The following TGFB1I1 variants were observed in gnomAD, a reference collection of about 807,000 sequenced individuals.
TGFB1I1 encodes the protein transforming growth factor beta 1 induced transcript 1.
In TGFB1I1, 33 loss-of-function variants were observed where a neutral mutation model predicts 52.0. That is an observed-to-expected ratio of 0.63 (90% CI 0.48 to 0.85). TGFB1I1 has a LOEUF of 0.85. Ranked by LOEUF, TGFB1I1 falls within the 40% of genes least tolerant of loss-of-function variation. The pLI, the probability that TGFB1I1 is intolerant of heterozygous loss-of-function variation, is 0.00. For missense variants in TGFB1I1, 577 were observed against 614.9 expected, an observed-to-expected ratio of 0.94 and a Z score of 0.65; for synonymous variants, 236 against 253.3, an observed-to-expected ratio of 0.93 and a Z score of 0.65.
Position 31,477,687 on chromosome 16 carries a change from G to C in TGFB1I1, c.*111G>C, listed in dbSNP as rs2082436222. The C allele has an allele frequency of 6.5e-6, 9 of 1,383,206 alleles. No individual in the cohort carries two copies. The East Asian group carries it at 2.3e-4, about 35-fold the overall frequency. The allele number at this position is 1,383,206 out of a possible 1,614,324, so 85.7% of individuals were successfully genotyped here. A position where few individuals can be genotyped will look rare whatever the true frequency, so the allele number is the denominator to read the frequency against. On this transcript the variant is annotated 3_prime_UTR_variant, in exon 11 of 11. Transcript: ENST00000394863. This position sits in a 1 kb window ranked among gnomAD's most constrained non-coding sequence, Gnocchi z 4.7. The stretch of plus-strand genomic sequence containing the variant: ...AGCGGGAGGCCCCACCCACTGGAGA[G>C]CCCCGCCCCTAAGGTACTATGAGTC...
chr16:31,472,251 G>A (rs764323531), intron 1 of TGFB1I1, 50 bp downstream of exon 1: 1 of 1,439,884 alleles, frequency 6.9e-7, no homozygotes, highest in Non-Finnish European at 9.1e-7. Flanking sequence ...GCTGCCCAGA[G>A]CTGCCTCCCC....
In TGFB1I1 at chr16:31,476,346, C is replaced by A; in HGVS notation, c.889-135C>A. 1.7e-6 allele frequency: 2 copies of A among 1,206,804 alleles called. No individual in the cohort carries two copies. The highest frequency in any genetic ancestry group is 2.3e-6 in the Non-Finnish European group (2 of 874,912). 74.8% of individuals were successfully genotyped at this position (1,206,804 alleles called of 1,614,324 possible). ...GCCCCTTGGACTCCACTCTTCCTTT[C>A]TGACCCCCACGTTCCTAGTTAGATC... On this transcript the variant is annotated intron_variant, in intron 8 of 10. Transcript: ENST00000394863. The surrounding 1 kb of genome is among the most constrained non-coding windows in gnomAD (Gnocchi z 7.6).
Position 31,477,512 on chromosome 16 carries a change from G to C in TGFB1I1, c.1322G>C (p.Gly441Ala). 1 of 1,609,856 alleles carries C rather than the reference G, an allele frequency of 6.2e-7. No homozygotes were observed. The highest frequency in any genetic ancestry group is 1.1e-5 in the South Asian group (1 of 90,526). The change falls in exon 11 of 11, where the codon GGG becomes GCG. Residue 441 changes from glycine to alanine, a missense_variant. This residue lies in a region of TGFB1I1 where 456 missense variants were observed against 461.6 expected (regional missense o/e 0.99). Transcript: ENST00000394863. This position sits in a 1 kb window ranked among gnomAD's most constrained non-coding sequence, Gnocchi z 4.7. ...TTCTGCCTGCGCCCGCTCACCAAGG[G>C]GTCCTTCCAGGAGCGCGCCGGCAAG... Reference protein sequence around the residue: ...CTFCLRPLTKGSFQERAGKPY... With the variant: ...CTFCLRPLTKASFQERAGKPY...
rs760464161 is a variant in TGFB1I1 at position 31,476,449 on chromosome 16, G to A, written c.889-32G>A. ...GGAGAGGAAGGCGCGAAGGCACGGAGGCCGCGCTGAGTGCCCTCTCCCTCC... is the reference window on the plus strand; with the variant it reads ...GGAGAGGAAGGCGCGAAGGCACGGAAGCCGCGCTGAGTGCCCTCTCCCTCC... On this transcript the variant is annotated intron_variant, in intron 8 of 10. Coordinates refer to ENST00000394863, the MANE Select transcript of TGFB1I1 (RefSeq NM_001042454.3). The surrounding 1 kb of genome is among the most constrained non-coding windows in gnomAD (Gnocchi z 7.6). The A allele has an allele frequency of 3.1e-6, 5 of 1,598,606 alleles. No individual in the cohort carries two copies. The highest frequency in any genetic ancestry group is 1.7e-5 in the Admixed American group (1 of 57,568).
rs2082437939 is a variant in TGFB1I1 at position 31,477,887 on chromosome 16, A to G, written c.*311A>G. On this transcript the variant is annotated 3_prime_UTR_variant, in exon 11 of 11. Coordinates refer to ENST00000394863, the MANE Select transcript of TGFB1I1 (RefSeq NM_001042454.3). This position sits in a 1 kb window ranked among gnomAD's most constrained non-coding sequence, Gnocchi z 4.7. Reference sequence around the variant, plus strand: ...CCAGCGAATCGGAGGCCAGGCCAGGACGTCCTTGCTCCCTGCACCCTCACT... The same window carrying G: ...CCAGCGAATCGGAGGCCAGGCCAGGGCGTCCTTGCTCCCTGCACCCTCACT... The G allele has an allele frequency of 6.6e-6, 3 of 456,258 alleles. No individual in the cohort carries two copies. The highest frequency in any genetic ancestry group is 1.2e-5 in the Non-Finnish European group (3 of 256,250). 28.3% of individuals were successfully genotyped at this position (456,258 alleles called of 1,614,324 possible).
chr16:31,472,547 T>C (rs1355758289), intron 1 of TGFB1I1: 1 of 266,742 alleles, frequency 3.7e-6, no homozygotes. Flanking sequence ...CACGGGAAAG[T>C]CTGGCATCAA....
chr16:31,477,123 G>A lies in TGFB1I1; in HGVS notation c.1119+113G>A, dbSNP rs1420103930. ...AGGGCAGGGGGCGGGCCCTCGGGGG[G>A]GCGGGTCACGGGAGGTGCTGCTAGG... is the stretch of plus-strand genomic sequence containing the variant. On this transcript the variant is annotated intron_variant, in intron 10 of 10. Coordinates refer to ENST00000394863, the MANE Select transcript of TGFB1I1 (RefSeq NM_001042454.3). This position sits in a 1 kb window ranked among gnomAD's most constrained non-coding sequence, Gnocchi z 4.7. The A allele has an allele frequency of 7.2e-7, 1 of 1,384,832 alleles. No individual in the cohort carries two copies. Among genetic ancestry groups the A allele is most frequent in the South Asian group, 1.5e-5 (1 of 68,870 alleles). The allele number at this position is 1,384,832 out of a possible 1,614,324, so 85.8% of individuals were successfully genotyped here. A position where few individuals can be genotyped will look rare whatever the true frequency, so the allele number is the denominator to read the frequency against.
Position 31,474,254 on chromosome 16 carries a change from G to A in TGFB1I1, c.413+15G>A, listed in dbSNP as rs45562131. On this transcript the variant is annotated intron_variant, in intron 5 of 10. Coordinates refer to ENST00000394863, the MANE Select transcript of TGFB1I1 (RefSeq NM_001042454.3). The surrounding 1 kb of genome is among the most constrained non-coding windows in gnomAD (Gnocchi z 4.2). ...AGACCCAGCCTGTGAGTTTGGCGTC[G>A]TTGTCAGGGCTGAGAGATGAGTCCT... 9.1e-5 allele frequency: 147 copies of A among 1,614,090 alleles called. No homozygotes were observed. In the East Asian group the frequency reaches 1.5e-3, roughly 17 times the overall value.
chr16:31,476,854 T>C lies in TGFB1I1; in HGVS notation c.971-8T>C. 3 of 1,611,822 alleles carry C rather than the reference T, an allele frequency of 1.9e-6. No homozygotes were observed. Among genetic ancestry groups the C allele is most frequent in the Non-Finnish European group, 2.5e-6 (3 of 1,179,812 alleles). On this transcript the variant is annotated splice_polypyrimidine_tract_variant and splice_region_variant and intron_variant, in intron 9 of 10. Coordinates refer to ENST00000394863, the MANE Select transcript of TGFB1I1 (RefSeq NM_001042454.3). This position sits in a 1 kb window ranked among gnomAD's most constrained non-coding sequence, Gnocchi z 7.6. Reference sequence around the variant, plus strand: ...TTTGCTTTCAGCCCACTCGGTTCCCTCTCCTAGGTTTCCACGAGCGCGAGG... The same window carrying C: ...TTTGCTTTCAGCCCACTCGGTTCCCCCTCCTAGGTTTCCACGAGCGCGAGG...
At chr16:31,472,489 A>T (rs1179781649) in intron 1 of TGFB1I1, 12 of 359,598 alleles carry the variant, frequency 3.3e-5, no homozygotes, top group East Asian at 3.2e-4. Flanking sequence ...GGCTCTGGGG[A>T]GGGAGGGGTT....
Position 31,473,374 on chromosome 16 carries a change from A to T in TGFB1I1, c.14-67A>T, listed in dbSNP as rs2082402154. On this transcript the variant is annotated intron_variant, in intron 1 of 10. Transcript: ENST00000394863. ...CTTCTGTCCTTCTCCAGTACTGCCCACTGGGAACCTTATCTTCTGATCTAA... is the reference window on the plus strand; with the variant it reads ...CTTCTGTCCTTCTCCAGTACTGCCCTCTGGGAACCTTATCTTCTGATCTAA... 4 of 1,549,598 alleles carry T rather than the reference A, an allele frequency of 2.6e-6. No homozygotes were observed. The African/African-American group carries it at 5.4e-5, about 21-fold the overall frequency.
At chr16:31,472,262 G>T in intron 1 of TGFB1I1, 61 bp downstream of exon 1, 1 of 1,419,244 alleles carries the variant, frequency 7.0e-7, no homozygotes, top group Non-Finnish European at 9.2e-7. Flanking sequence ...CTGCCTCCCC[G>T]CCGTCGCTCT....
chr16:31,477,411 G>A lies in TGFB1I1; in HGVS notation c.1221G>A (p.Thr407=), dbSNP rs750127178. 16 of 1,607,246 alleles carry A rather than the reference G, an allele frequency of 1.0e-5. No individual in the cohort carries two copies. In the Admixed American group the frequency reaches 2.5e-4, roughly 25 times the overall value. Residue 407 remains threonine (T), a synonymous_variant, in exon 11 of 11, where the codon ACG becomes ACA. Transcript: ENST00000394863. The surrounding 1 kb of genome is among the most constrained non-coding windows in gnomAD (Gnocchi z 4.7). ...FHARRGSLCA[T]CGLPVTGRCV... ...CACGACGCGGCTCGCTGTGCGCCACGTGTGGCCTCCCTGTGACCGGCCGCT... is the reference window on the plus strand; with the variant it reads ...CACGACGCGGCTCGCTGTGCGCCACATGTGGCCTCCCTGTGACCGGCCGCT...
In TGFB1I1 at chr16:31,476,260, GT is replaced by G; in HGVS notation, c.888+76del. 1 of 1,550,828 alleles carries G rather than the reference GT, an allele frequency of 6.4e-7. No homozygotes were observed. Among genetic ancestry groups the G allele is most frequent in the South Asian group, 1.2e-5 (1 of 83,864 alleles). ...TGTGGGACGGGCCTCCACCGCATGGGTCCCGCCCCACCCGCGATACCCCACT... is the reference window on the plus strand; with the variant it reads ...TGTGGGACGGGCCTCCACCGCATGGGCCCGCCCCACCCGCGATACCCCACT... On this transcript the variant is annotated intron_variant, in intron 8 of 10. Coordinates refer to ENST00000394863, the MANE Select transcript of TGFB1I1 (RefSeq NM_001042454.3). This position sits in a 1 kb window ranked among gnomAD's most constrained non-coding sequence, Gnocchi z 7.6.
Position 31,474,497 on chromosome 16 carries a change from A to C in TGFB1I1, c.519+42A>C. Reference sequence around the variant, plus strand: ...GCCAGTGTCCATTTGTGGCTCCCCAACCCCTTCTAGACAATTCCACATCTG... The same window carrying C: ...GCCAGTGTCCATTTGTGGCTCCCCACCCCCTTCTAGACAATTCCACATCTG... On this transcript the variant is annotated intron_variant, in intron 6 of 10. Coordinates refer to ENST00000394863, the MANE Select transcript of TGFB1I1 (RefSeq NM_001042454.3). The surrounding 1 kb of genome is among the most constrained non-coding windows in gnomAD (Gnocchi z 4.2). The C allele has an allele frequency of 6.2e-7, 1 of 1,613,606 alleles. No homozygotes were observed. Among genetic ancestry groups the C allele is most frequent in the Non-Finnish European group, 8.5e-7 (1 of 1,179,868 alleles).
In TGFB1I1 at chr16:31,473,970, C is replaced by T. The variant is rs2082406753; in HGVS notation, c.318C>T (p.Asn106=). 3 of 1,609,466 alleles carry T rather than the reference C, an allele frequency of 1.9e-6. No individual in the cohort carries two copies. The highest frequency in any genetic ancestry group is 2.5e-6 in the Non-Finnish European group (3 of 1,177,428). The change falls in exon 4 of 11, where the codon AAC becomes AAT. Residue 106 remains asparagine (N), a synonymous_variant. Transcript: ENST00000394863. ...AGGAACTTAATGCCACTCAGTTCAA[C>T]ATCACAGGTACCAGGGTGACTGAGA... ...LLQELNATQF[N]ITDEIMSQFP...
Position 31,472,161 on chromosome 16 carries a change from G to T in TGFB1I1, c.-28G>T, listed in dbSNP as rs770972424. ...ACCGGACACGGCCCCCGCCCTGTTC[G>T]CCCCGCGCCACCGGCCCGCGCCCCG... On this transcript the variant is annotated 5_prime_UTR_variant, in exon 1 of 11. Coordinates refer to ENST00000394863, the MANE Select transcript of TGFB1I1 (RefSeq NM_001042454.3). The T allele has an allele frequency of 2.3e-6, 3 of 1,331,102 alleles. No homozygotes were observed. The East Asian group carries it at 9.3e-5, about 41-fold the overall frequency. The allele number at this position is 1,331,102 out of a possible 1,614,324, so 82.5% of individuals were successfully genotyped here.
chr16:31,477,795 C>G lies in TGFB1I1; in HGVS notation c.*219C>G, dbSNP rs1367997463. The G allele has an allele frequency of 3.2e-6, 2 of 617,884 alleles. No individual in the cohort carries two copies. Among genetic ancestry groups the G allele is most frequent in the African/African-American group, 3.7e-5 (2 of 53,576 alleles). The allele number at this position is 617,884 out of a possible 1,614,324, so 38.3% of individuals were successfully genotyped here. On this transcript the variant is annotated 3_prime_UTR_variant, in exon 11 of 11. Coordinates refer to ENST00000394863, the MANE Select transcript of TGFB1I1 (RefSeq NM_001042454.3). The surrounding 1 kb of genome is among the most constrained non-coding windows in gnomAD (Gnocchi z 4.7). ...TGGATTGCACACAGACAAGAACTCCCGTGCGGGCCTCCACTCTATTCCCAC... is the reference window on the plus strand; with the variant it reads ...TGGATTGCACACAGACAAGAACTCCGGTGCGGGCCTCCACTCTATTCCCAC...
intron 1 of TGFB1I1, chr16:31,472,444 C>T (rs774613256): frequency 1.6e-5 from 10 of 627,264 alleles, no homozygotes; most frequent in African/African-American, 2.0e-5. Context: ...GCAGATGGAA[C>T]GGGAGGTGCG....
Sources: allele counts gnomAD v4.1 joint callset, GRCh38; gene constraint gnomAD v4.1.1; regional missense constraint gnomAD v4.1.1; non-coding constraint Gnocchi (gnomAD v3.1); transcripts MANE v1.5; gene names NCBI Gene and HGNC (gene_info 2026-07-23, HGNC 2026-07-21).